Variants in DNAH17 observed in about 807,000 individuals in gnomAD.
DNAH17 encodes the protein axonemal beta dynein heavy chain 17.
DNAH17 carries 376 observed loss-of-function variants against 485.6 expected under a neutral mutation model. The ratio of observed to expected loss-of-function variants is 0.77; its 90% CI spans 0.71 to 0.84. DNAH17 has a LOEUF of 0.84. Ranked by LOEUF, DNAH17 falls within the 40% of genes least tolerant of loss-of-function variation. The pLI is 0.00. For synonymous variants in DNAH17, 3,031 were observed against 2,405.9 expected (o/e 1.26, Z -7.60); for missense variants, 6,370 against 5,839.3 (o/e 1.09, Z -2.96).
intron 37 of DNAH17, among the ~76,000 whole-genome samples, chr17:78,497,908 C>T (rs1045579977): frequency 1.3e-5 from 2 of 152,050 alleles, no homozygotes; most frequent in Non-Finnish European, 2.9e-5. Flanking sequence ...TTTGGGAGGC[C>T]GAGGTGGGTG....
intron 37 of DNAH17, among the ~76,000 whole-genome samples, chr17:78,498,586 C>T (rs1441500526): frequency 6.6e-6 from 1 of 152,204 alleles, no homozygotes; most frequent in Admixed American, 6.5e-5. Context: ...CGCTCTGTGC[C>T]CCGGCATGGT....
At chr17:78,530,229 C>A (rs1011056508) in intron 21 of DNAH17, 114 bp downstream of exon 21, 2 of 1,305,220 alleles carry the variant, frequency 1.5e-6, no homozygotes, top group Admixed American at 2.8e-5. Flanking sequence ...CCAGCCTCCA[C>A]CCCCTGCTAC....
chr17:78,535,749 T>C (rs760593436), intron 19 of DNAH17, among the ~76,000 whole-genome samples: 1 of 152,184 alleles, frequency 6.6e-6, no homozygotes, highest in Non-Finnish European at 1.5e-5. Flanking sequence ...TTTAAGCAAA[T>C]GAAACCATAT....
chr17:78,503,851 A>G (rs2090391884), intron 31 of DNAH17, among the ~76,000 whole-genome samples: 1 of 152,034 alleles, frequency 6.6e-6, no homozygotes, highest in Admixed American at 6.5e-5. Flanking sequence ...CTGTAATCCT[A>G]GGTACTCTGG....
rs201673746 is a variant in DNAH17 at position 78,506,838 on chromosome 17, A to C, written c.4685T>G (p.Ile1562Ser). 5.6e-6 allele frequency: 9 copies of C among 1,613,840 alleles called. No individual in the cohort carries two copies. The highest frequency in any genetic ancestry group is 7.6e-6 in the Non-Finnish European group (9 of 1,179,872). Residue 1562 changes from isoleucine (I) to serine (S), a missense_variant, in exon 30 of 81, where the codon ATC becomes AGC. By Grantham distance (142) the Ile-to-Ser change is moderately radical. Coordinates refer to ENST00000389840, the MANE Select transcript of DNAH17 (RefSeq NM_173628.4). ...KLEALKKSLA[I>S]CEKALAEYLE... The stretch of plus-strand genomic sequence containing the variant: ...ATACTCTGCCAAAGCCTTTTCACAG[A>C]TGGCCAAGCTGGGAGGAAGGAAGGA...
At position 78,475,334 on chromosome 17, in the gene DNAH17, C is replaced by A; in HGVS notation, c.8455G>T (p.Gly2819Trp). Residue 2819 changes from glycine to tryptophan, a missense_variant, in exon 54 of 81, where the codon GGG (glycine) becomes TGG (tryptophan). By Grantham distance (184) the Gly-to-Trp change is radical. Coordinates refer to ENST00000389840, the MANE Select transcript of DNAH17 (RefSeq NM_173628.4). ...AGGGTGATCTGAAACACGTCAAGCC[C>A]GCTGATGTACGCTGCCAGGCGGGAG... is the stretch of plus-strand genomic sequence containing the variant. Reference protein sequence around the residue: ...SLSRLAAYISGLDVFQITLKK... With the variant: ...SLSRLAAYISWLDVFQITLKK... 6.2e-7 allele frequency: 1 copy of A among 1,614,008 alleles called. No individual in the cohort carries two copies. Among genetic ancestry groups the A allele is most frequent in the Non-Finnish European group, 8.5e-7 (1 of 1,179,904 alleles).
intron 48 of DNAH17, 36 bp from the exon 49 acceptor site, chr17:78,480,822 G>T: frequency 6.6e-7 from 1 of 1,510,768 alleles, no homozygotes; most frequent in Non-Finnish European, 9.1e-7. Flanking sequence ...TTGTGCCCCT[G>T]GCCTGGAGGA....
chr17:78,480,939 C>T (rs544073548), intron 48 of DNAH17, among the ~76,000 whole-genome samples, 153 bp from the exon 49 acceptor site: 22 of 151,882 alleles, frequency 1.4e-4, no homozygotes, highest in Non-Finnish European at 2.2e-4. Context: ...GGCACAATCT[C>T]GGCTCACTGC....
rs1316246760 is a variant in DNAH17, at chr17:78,558,215, G to A, written c.2071C>T (p.Gln691Ter). 3 of 1,613,730 alleles carry A rather than the reference G, an allele frequency of 1.9e-6. No homozygotes were observed. Among genetic ancestry groups the A allele is most frequent in the East Asian group, 2.2e-5 (1 of 44,888 alleles). ...CTGTCTGGAATCTCTTTCTGTTGCT[G>A]GAAATTCAAATACTTGACTTCTCTC... Reference protein sequence around the residue: ...VLREVKYLNFQQQKEIPDSAE... With the variant: ...VLREVKYLNF The change falls in exon 14 of 81, where the codon CAG becomes TAG. Residue 691 changes from glutamine (Q) to a stop codon, truncating the protein, a stop_gained. Coordinates refer to ENST00000389840, the MANE Select transcript of DNAH17 (RefSeq NM_173628.4). LOFTEE classifies it high-confidence loss of function.
intron 80 of DNAH17, 125 bp from the exon 81 acceptor site, chr17:78,424,278 A>AG (rs1430026500): frequency 1.3e-5 from 17 of 1,272,370 alleles, no homozygotes; most frequent in Non-Finnish European, 1.1e-6. Flanking sequence ...AAAAGGCTTC[A>AG]GGCCAGCTGC....
chr17:78,492,575 G>T, intron 42 of DNAH17, 58 bp downstream of exon 42: 1 of 1,594,744 alleles, frequency 6.3e-7, no homozygotes, highest in East Asian at 2.3e-5. Flanking sequence ...CTGAGCACAC[G>T]CTCACTGCAC....
intron 72 of DNAH17, among the ~76,000 whole-genome samples, 155 bp downstream of exon 72, chr17:78,440,896 A>G (rs1378777992): frequency 6.6e-6 from 1 of 152,118 alleles, no homozygotes; most frequent in African/African-American, 2.4e-5. Context: ...AACTCGTGTT[A>G]TTTTCCTGTT....
intron 56 of DNAH17, among the ~76,000 whole-genome samples, chr17:78,463,705 G>T (rs149009703): frequency 2.6e-5 from 4 of 152,224 alleles, no homozygotes; most frequent in South Asian, 2.1e-4. Context: ...CATTACCAAG[G>T]CTGGGTCCTG....
chr17:78,528,343 C>T lies in DNAH17; in HGVS notation c.3507+1129G>A, dbSNP rs62075884. On this transcript the variant is annotated intron_variant, in intron 22 of 80. Transcript: ENST00000389840. Reference sequence around the variant, plus strand: ...TGGTACAATCATACATCACTGCAGCCTTGACTTCCTGGGCTCAACTGATCC... The same window carrying T: ...TGGTACAATCATACATCACTGCAGCTTTGACTTCCTGGGCTCAACTGATCC... 4.7e-3 allele frequency among the ~76,000 whole-genome samples: 717 copies of T among 152,264 alleles called. 1 individual carries two copies. Among genetic ancestry groups the T allele is most frequent in the Admixed American group, 9.2e-3 (140 of 15,296 alleles).
At chr17:78,431,264 A>C (rs1217912556) in intron 75 of DNAH17, among the ~76,000 whole-genome samples, 2 of 152,104 alleles carry the variant, frequency 1.3e-5, no homozygotes, top group African/African-American at 4.8e-5. Flanking sequence ...GGTCATCACA[A>C]CTGTTTGCGG....
At chr17:78,451,748 T>A (rs1382711954) in intron 65 of DNAH17, 75 bp from the exon 66 acceptor site, 6 of 1,352,120 alleles carry the variant, frequency 4.4e-6, no homozygotes, top group African/African-American at 1.5e-5. Context: ...CAGACCACCT[T>A]TCACCCCAGC....
At chr17:78,428,298 T>C (rs1598433766) in intron 77 of DNAH17, 1 of 586,990 alleles carries the variant, frequency 1.7e-6, no homozygotes, top group East Asian at 3.0e-5. Context: ...AAGGATCCCT[T>C]TTGTCTGGGC....
rs757081109 is a variant in DNAH17 at position 78,501,777 on chromosome 17, C to A, written c.5287G>T (p.Ala1763Ser). 1.9e-6 allele frequency: 3 copies of A among 1,613,874 alleles called. No homozygotes were observed. In the South Asian group the frequency reaches 3.3e-5, roughly 18 times the overall value. The change falls in exon 34 of 81, where the codon GCA (alanine) becomes TCA (serine). Residue 1763 changes from alanine to serine, a missense_variant. Ala to Ser is a moderately conservative substitution (Grantham distance 99, BLOSUM62 1). Coordinates refer to ENST00000389840, the MANE Select transcript of DNAH17 (RefSeq NM_173628.4). ...IMTICTIDVHARDVVAKMIVA... is the reference protein window; with the variant it reads ...IMTICTIDVHSRDVVAKMIVA... ...ATCATTTTGGCCACCACGTCCCGTGCGTGCACATCGATGGTGCAGATGGTC... is the reference window on the plus strand; with the variant it reads ...ATCATTTTGGCCACCACGTCCCGTGAGTGCACATCGATGGTGCAGATGGTC...
intron 40 of DNAH17, 45 bp from the exon 41 acceptor site, chr17:78,494,218 T>C (rs1296120992): frequency 1.2e-5 from 19 of 1,580,322 alleles, no homozygotes; most frequent in Non-Finnish European, 1.5e-5. Context: ...GAAGCAGCTT[T>C]TCTTTCTTCT....
Sources: gnomAD v4.1 joint callset for allele counts (sites outside exome capture counted in the v4.1 genomes callset) on GRCh38, gnomAD v4.1.1 for gene constraint, MANE v1.5 for transcripts, NCBI Gene and HGNC (gene_info 2026-07-23, HGNC 2026-07-21) for gene names.